The following TNPO3 variants were observed in gnomAD, a reference collection of about 807,000 sequenced individuals.
TNPO3 encodes transportin 3.
Under a neutral mutation model 122.8 loss-of-function variants are expected in TNPO3, and 65 were observed. That is an observed-to-expected ratio of 0.53 (90% CI 0.43 to 0.65). The LOEUF is 0.65. Ranked by LOEUF, TNPO3 falls within the 30% of genes least tolerant of loss-of-function variation. The pLI is 0.00. For missense variants in TNPO3, 850 were observed against 1,136.7 expected (o/e 0.75, Z 3.63); for synonymous variants, 372 against 411.2 (o/e 0.90, Z 1.15).
intron 1 of TNPO3, chr7:129,041,608 A>C (rs1807387796): frequency 1.0e-6 from 1 of 985,368 alleles, no homozygotes; most frequent in Non-Finnish European, 1.2e-6. Flanking sequence ...ACTGAAATCC[A>C]GGCTTGGACT....
chr7:129,015,999 A>G (rs1402608900), intron 3 of TNPO3, among the ~76,000 whole-genome samples: 2 of 151,898 alleles, frequency 1.3e-5, no homozygotes, highest in Non-Finnish European at 2.9e-5. Context: ...GGATCACTTG[A>G]GCCCGGGAAG....
intron 11 of TNPO3, 75 bp from the exon 12 acceptor site, chr7:128,986,995 T>C: frequency 2.8e-6 from 4 of 1,442,814 alleles, no homozygotes; most frequent in Non-Finnish European, 3.7e-6. Context: ...AACAGAGGTA[T>C]ACTTGCTTTT....
chr7:129,045,479 G>GA (rs1191139133), intron 1 of TNPO3, among the ~76,000 whole-genome samples: 1 of 132,962 alleles, frequency 7.5e-6, no homozygotes, highest in Non-Finnish European at 1.6e-5. Context: ...CTGGGCAACA[G>GA]AACAAGACCC....
chr7:129,055,078 G>A lies in TNPO3; in HGVS notation c.-308C>T. On this transcript the variant is annotated 5_prime_UTR_variant, in exon 1 of 23. Coordinates refer to ENST00000265388, the MANE Select transcript of TNPO3 (RefSeq NM_012470.4). ...GACTTGCCCTCAGAAGCCTATCTTGGGAGGCCACACACCAGTGTACCTAAG... is the reference window on the plus strand; with the variant it reads ...GACTTGCCCTCAGAAGCCTATCTTGAGAGGCCACACACCAGTGTACCTAAG... 1 of 372,702 alleles carries A rather than the reference G, an allele frequency of 2.7e-6. No individual in the cohort carries two copies. The highest frequency in any genetic ancestry group is 5.1e-6 in the Non-Finnish European group (1 of 195,044). 23.1% of individuals were successfully genotyped at this position (372,702 alleles called of 1,614,324 possible).
chr7:129,040,057 C>A (rs1807178016), intron 1 of TNPO3, among the ~76,000 whole-genome samples: 1 of 152,084 alleles, frequency 6.6e-6, no homozygotes, highest in Admixed American at 6.5e-5. Flanking sequence ...GAGTTCAAGA[C>A]CAGCCTGGCC....
chr7:128,961,395 T>C (rs1797439819), intron 21 of TNPO3, among the ~76,000 whole-genome samples: 1 of 152,342 alleles, frequency 6.6e-6, no homozygotes, highest in East Asian at 1.9e-4. Flanking sequence ...TACAGGTTTG[T>C]AGCCTAGGAG....
At chr7:129,031,358 A>C (rs1003305521) in intron 1 of TNPO3, among the ~76,000 whole-genome samples, 1 of 152,168 alleles carries the variant, frequency 6.6e-6, no homozygotes, top group Non-Finnish European at 1.5e-5. Flanking sequence ...CAGAAATAAA[A>C]GTCAGGATAT....
intron 1 of TNPO3, chr7:129,041,776 G>C (rs1807402453): frequency 1.0e-6 from 1 of 979,092 alleles, no homozygotes; most frequent in African/African-American, 1.7e-5. Context: ...ATTTCACAAA[G>C]CAGTAGCAGA....
chr7:128,982,377 G>GCCAACA lies in TNPO3; in HGVS notation c.1783-59_1783-54dup, dbSNP rs746903822. The GCCAACA allele has an allele frequency of 4.6e-4, 675 of 1,460,992 alleles. 4 individuals are homozygous for GCCAACA. The highest frequency in any genetic ancestry group is 5.3e-4 in the Non-Finnish European group (558 of 1,045,282). 90.5% of individuals were successfully genotyped at this position (1,460,992 alleles called of 1,614,324 possible). ...CAATTGTCACATGTACAAATCTACAGCCAACACTGCAACATACATCAACCT... is the reference window on the plus strand; with the variant it reads ...CAATTGTCACATGTACAAATCTACAGCCAACACCAACACTGCAACATACATCAACCT... On this transcript the variant is annotated intron_variant, in intron 13 of 22. Transcript: ENST00000265388.
chr7:128,974,779 T>C, intron 18 of TNPO3, 89 bp downstream of exon 18: 1 of 1,120,088 alleles, frequency 8.9e-7, no homozygotes, highest in Non-Finnish European at 1.4e-6. Context: ...GACTTCATTT[T>C]ACAAGAATAA....
At chr7:129,027,331 C>T (rs1219622232) in intron 1 of TNPO3, among the ~76,000 whole-genome samples, 10 of 151,798 alleles carry the variant, frequency 6.6e-5, no homozygotes, top group Admixed American at 2.0e-4. Flanking sequence ...GAGGCCGAGG[C>T]GGGCAGATCA....
At chr7:129,031,880 T>A (rs1304905799) in intron 1 of TNPO3, among the ~76,000 whole-genome samples, 10 of 152,182 alleles carry the variant, frequency 6.6e-5, no homozygotes, top group African/African-American at 2.4e-4. Context: ...AGAAATGGGG[T>A]GTTGCTATGT....
chr7:129,054,546 G>A, intron 1 of TNPO3, 105 bp downstream of exon 1: 1 of 1,531,862 alleles, frequency 6.5e-7, no homozygotes, highest in Non-Finnish European at 8.8e-7. Flanking sequence ...TCCTCCCCAA[G>A]GAGGACCTCA....
chr7:128,999,219 T>C (rs1352273710), intron 7 of TNPO3, among the ~76,000 whole-genome samples: 1 of 152,232 alleles, frequency 6.6e-6, no homozygotes, highest in Admixed American at 6.5e-5. Flanking sequence ...AGAACATTTC[T>C]TACTTGGCAA....
At chr7:128,994,008 G>A in intron 8 of TNPO3, 94 bp from the exon 9 acceptor site, 2 of 1,173,680 alleles carry the variant, frequency 1.7e-6, no homozygotes, top group Non-Finnish European at 2.4e-6. Flanking sequence ...CCATTAAGCA[G>A]TCAAGTTTCA....
intron 1 of TNPO3, among the ~76,000 whole-genome samples, chr7:129,023,946 C>T (rs1267711938): frequency 1.3e-5 from 2 of 152,114 alleles, no homozygotes; most frequent in African/African-American, 4.8e-5. Context: ...AAGCACTGAA[C>T]AATAACAGCT....
At chr7:128,975,416 G>A (rs774148563) in intron 17 of TNPO3, among the ~76,000 whole-genome samples, 1 of 152,168 alleles carries the variant, frequency 6.6e-6, no homozygotes, top group Admixed American at 6.5e-5. Flanking sequence ...CAGTATCTGA[G>A]GAGCTGTTTC....
chr7:128,984,626 T>C (rs1799959978), intron 12 of TNPO3, among the ~76,000 whole-genome samples: 1 of 152,228 alleles, frequency 6.6e-6, no homozygotes, highest in Admixed American at 6.5e-5. Context: ...TTATTTTTGA[T>C]AAATACTTCC....
intron 1 of TNPO3, among the ~76,000 whole-genome samples, chr7:129,052,647 C>A (rs995453312): frequency 6.6e-6 from 1 of 152,160 alleles, no homozygotes; most frequent in Non-Finnish European, 1.5e-5. Context: ...GTTCCAAGAA[C>A]TTTTCTAACC....
Sources: allele counts gnomAD v4.1 joint callset (sites outside exome capture counted in the v4.1 genomes callset), GRCh38; gene constraint gnomAD v4.1.1; transcripts MANE v1.5; gene names NCBI Gene and HGNC (gene_info 2026-07-23, HGNC 2026-07-21).